The following NKAIN3 variants were observed in gnomAD, a reference collection of about 807,000 sequenced individuals.
NKAIN3 encodes sodium/potassium-transporting ATPase subunit beta-1-interacting protein 3.
A neutral mutation model predicts 30.2 loss-of-function variants in NKAIN3; 25 were observed. That is an observed-to-expected ratio of 0.83 (90% CI 0.60 to 1.16). The LOEUF (loss-of-function observed/expected upper bound fraction) is 1.16. Among genes scored for constraint, NKAIN3 ranks in the 50% most tolerant of loss-of-function variants. NKAIN3 has a pLI of 0.00. For synonymous variants in NKAIN3, 91 were observed against 89.6 expected (o/e 1.02, Z -0.09); for missense variants, 225 against 254.1 (o/e 0.89, Z 0.78).
intron 5 of NKAIN3, among the ~76,000 whole-genome samples, chr8:62,930,371 A>G (rs1480920131): frequency 1.3e-5 from 2 of 152,040 alleles, no homozygotes; most frequent in Non-Finnish European, 2.9e-5. Context: ...CTCCTGCCTC[A>G]GCCTCCTGAG....
chr8:62,342,235 CAAAA>C (rs3058285), intron 1 of NKAIN3, among the ~76,000 whole-genome samples: 1 of 124,790 alleles, frequency 8.0e-6, no homozygotes, highest in African/African-American at 3.2e-5. Context: ...ACCACTGAAC[CAAAA>C]AAAAAAAAAA....
At chr8:62,678,444 C>T (rs1813546015) in intron 3 of NKAIN3, among the ~76,000 whole-genome samples, 2 of 152,056 alleles carry the variant, frequency 1.3e-5, no homozygotes. Flanking sequence ...CTGCTCAATT[C>T]CACCCAATAC....
At chr8:62,993,866 C>T (rs1431721179) in intron 5 of NKAIN3, among the ~76,000 whole-genome samples, 1 of 152,102 alleles carries the variant, frequency 6.6e-6, no homozygotes, top group African/African-American at 2.4e-5. Flanking sequence ...AATTTCTGCC[C>T]TGTAAAAGCA....
chr8:62,410,286 A>T (rs1291028295), intron 1 of NKAIN3, among the ~76,000 whole-genome samples: 1 of 152,152 alleles, frequency 6.6e-6, no homozygotes, highest in Non-Finnish European at 1.5e-5. Context: ...AAATGACATG[A>T]TTTATTATTT....
chr8:62,858,193 T>C (rs914175098), intron 4 of NKAIN3, among the ~76,000 whole-genome samples: 2 of 152,184 alleles, frequency 1.3e-5, no homozygotes, highest in African/African-American at 4.8e-5. Context: ...CACCGAAGTC[T>C]GCGAAATAGC....
chr8:62,249,238 G>A lies in NKAIN3; in HGVS notation c.54+111G>A. 10 of 910,756 alleles carry A rather than the reference G, an allele frequency of 1.1e-5. 1 individual carries two copies. The highest frequency in any genetic ancestry group is 7.1e-5 in the South Asian group (4 of 56,380). The allele number at this position is 910,756 out of a possible 1,614,324, so 56.4% of individuals were successfully genotyped here. ...CGGCAAGGGGCGAACGGGTGAACAGGGCGCTCCGCCCGCCTCCCACCCTCC... is the reference window on the plus strand; with the variant it reads ...CGGCAAGGGGCGAACGGGTGAACAGAGCGCTCCGCCCGCCTCCCACCCTCC... On this transcript the variant is annotated intron_variant, in intron 1 of 6. Coordinates refer to ENST00000623646, the MANE Select transcript of NKAIN3 (RefSeq NM_001304533.3).
chr8:62,354,064 G>T (rs1816269576), intron 1 of NKAIN3, among the ~76,000 whole-genome samples: 1 of 152,172 alleles, frequency 6.6e-6, no homozygotes, highest in South Asian at 2.1e-4. Flanking sequence ...TTTGAAAATG[G>T]AAAGCATACA....
Position 62,655,952 on chromosome 8 carries a change from G to C in NKAIN3, c.273+66158G>C, listed in dbSNP as rs181313841. ...TTGGTCCCTAGGAAAGACTGTGTTA[G>C]AAATAAAATTAGCCCCATTTTCTTT... On this transcript the variant is annotated intron_variant, in intron 3 of 6. Transcript: ENST00000623646. 6.4e-3 allele frequency among the ~76,000 whole-genome samples: 972 copies of C among 152,158 alleles called. 9 individuals carry two copies. Among genetic ancestry groups the C allele is most frequent in the African/African-American group, 0.021 (889 of 41,520 alleles).
chr8:62,395,164 C>A (rs1229649714), intron 1 of NKAIN3, among the ~76,000 whole-genome samples: 5 of 151,964 alleles, frequency 3.3e-5, no homozygotes, highest in Admixed American at 1.3e-4. Flanking sequence ...CAGAGGCGGT[C>A]CTCACTTTCC....
chr8:62,842,468 T>G (rs1819563167), intron 4 of NKAIN3, among the ~76,000 whole-genome samples: 1 of 152,100 alleles, frequency 6.6e-6, no homozygotes, highest in South Asian at 2.1e-4. Flanking sequence ...ATGCAATCCC[T>G]ATAAAAATTT....
intron 1 of NKAIN3, among the ~76,000 whole-genome samples, chr8:62,282,860 C>T (rs1409922307): frequency 1.3e-5 from 2 of 152,180 alleles, no homozygotes; most frequent in Admixed American, 6.6e-5. Flanking sequence ...CTTCCAGACA[C>T]TCTATCCTCT....
chr8:62,505,074 A>G (rs1266600036), intron 1 of NKAIN3, among the ~76,000 whole-genome samples: 4 of 152,220 alleles, frequency 2.6e-5, no homozygotes. Context: ...GATAAAGGCA[A>G]TAAAGGTAGT....
chr8:62,565,962 A>C (rs1412138698), intron 1 of NKAIN3, among the ~76,000 whole-genome samples: 1 of 152,138 alleles, frequency 6.6e-6, no homozygotes, highest in East Asian at 1.9e-4. Flanking sequence ...TTGTATAGGT[A>C]CTCAAAGTAC....
intron 1 of NKAIN3, among the ~76,000 whole-genome samples, chr8:62,346,031 A>T (rs6472009): frequency 0.039 from 5,948 of 152,170 alleles, 422 homozygotes; most frequent in African/African-American, 0.14. Context: ...GATCACATAG[A>T]AGTAGACAGT....
chr8:62,719,240 C>G lies in NKAIN3; in HGVS notation c.274-27692C>G, dbSNP rs184172114. Reference sequence around the variant, plus strand: ...CTCAGGACTGCTGACCAAAGCTTAACAAGAACAATAGACAAATGTCACTGG... The same window carrying G: ...CTCAGGACTGCTGACCAAAGCTTAAGAAGAACAATAGACAAATGTCACTGG... On this transcript the variant is annotated intron_variant, in intron 3 of 6. Coordinates refer to ENST00000623646, the MANE Select transcript of NKAIN3 (RefSeq NM_001304533.3). 3.3e-3 allele frequency among the ~76,000 whole-genome samples: 496 copies of G among 152,232 alleles called. 5 individuals carry two copies. The highest frequency in any genetic ancestry group is 0.011 in the African/African-American group (457 of 41,538).
At chr8:62,660,208 C>T (rs1214596594) in intron 3 of NKAIN3, among the ~76,000 whole-genome samples, 1 of 152,162 alleles carries the variant, frequency 6.6e-6, no homozygotes, top group East Asian at 1.9e-4. Flanking sequence ...CAAGTTCCAG[C>T]ACTAACGATG....
At chr8:62,737,148 CATG>C (rs1160061383) in intron 3 of NKAIN3, among the ~76,000 whole-genome samples, 38 of 152,246 alleles carry the variant, frequency 2.5e-4, no homozygotes, top group African/African-American at 9.1e-4. Context: ...AGCAAAAGTT[CATG>C]ATATGAGTTT....
chr8:62,742,880 G>A (rs10957232), intron 3 of NKAIN3, among the ~76,000 whole-genome samples: 113,601 of 152,060 alleles, frequency 0.75, 42,868 homozygotes, highest in Admixed American at 0.81. Flanking sequence ...GCCTCAGGAA[G>A]CTTACAAACA....
intron 4 of NKAIN3, among the ~76,000 whole-genome samples, chr8:62,913,529 ACGAT>A (rs1821988592): frequency 6.6e-6 from 1 of 152,230 alleles, no homozygotes; most frequent in Middle Eastern, 3.2e-3. Context: ...GTTAGCAGTG[ACGAT>A]CGTGTTGGGT....
Sources: gnomAD v4.1 joint callset for allele counts (sites outside exome capture counted in the v4.1 genomes callset) on GRCh38, gnomAD v4.1.1 for gene constraint, MANE v1.5 for transcripts, NCBI Gene and HGNC (gene_info 2026-07-23, HGNC 2026-07-21) for gene names.